Variants in AFF3 observed in about 807,000 individuals in gnomAD.
AFF3 encodes the protein AF4/FMR2 family member 3.
A neutral mutation model predicts 129.7 loss-of-function variants in AFF3; 32 were observed. The observed-to-expected ratio is 0.25, with a 90% confidence interval of 0.19 to 0.33. AFF3 has a LOEUF of 0.33. Ranked by LOEUF, AFF3 falls within the 10% of genes least tolerant of loss-of-function variation. AFF3 has a pLI of 1.00. For synonymous variants in AFF3, 644 were observed against 635.4 expected (o/e 1.01, Z -0.20); for missense variants, 1,373 against 1,592.0 (o/e 0.86, Z 2.34).
At chr2:100,081,047 G>C (rs915038448) in intron 4 of AFF3, among the ~76,000 whole-genome samples, 5 of 151,912 alleles carry the variant, frequency 3.3e-5, no homozygotes, top group African/African-American at 1.2e-4. Context: ...TTTTCTGCTG[G>C]GGGCTGGAGC....
intron 13 of AFF3, among the ~76,000 whole-genome samples, chr2:99,606,915 CAAAAAAAAAAA>C (rs10680840): frequency 3.2e-5 from 2 of 62,188 alleles, no homozygotes; most frequent in African/African-American, 1.3e-4. Flanking sequence ...CTCCGTCTCA[CAAAAAAAAAAA>C]AAAAAAAAAA....
chr2:99,683,966 A>C (rs970833865), intron 11 of AFF3, among the ~76,000 whole-genome samples: 4 of 152,100 alleles, frequency 2.6e-5, no homozygotes, highest in African/African-American at 9.7e-5. Context: ...TTTATTCTTC[A>C]GTCTGTAGTT....
chr2:99,752,226 T>C lies in AFF3; in HGVS notation c.997A>G (p.Asn333Asp), dbSNP rs1480476933. 1 of 1,612,148 alleles carries C rather than the reference T, an allele frequency of 6.2e-7. No homozygotes were observed. Among genetic ancestry groups the C allele is most frequent in the Non-Finnish European group, 8.5e-7 (1 of 1,178,182 alleles). Reference sequence around the variant, plus strand: ...TGAGGGATGCAAGATCTCACCTTATTTGGAAATGGAAATTTGGTTGGTTCC... The same window carrying C: ...TGAGGGATGCAAGATCTCACCTTATCTGGAAATGGAAATTTGGTTGGTTCC... ...KVEPTKFPFP[N>D]KDSQLVSSGH... The change falls in exon 9 of 25, where the codon AAT (asparagine) becomes GAT (aspartate). Residue 333 changes from asparagine to aspartate, a missense_variant. Asn to Asp is a conservative substitution (Grantham distance 23). This residue lies in a region of AFF3 where 413 missense variants were observed against 424.4 expected (regional missense o/e 0.97). Coordinates refer to ENST00000672756, the MANE Select transcript of AFF3 (RefSeq NM_001386135.1).
intron 22 of AFF3, among the ~76,000 whole-genome samples, chr2:99,555,864 T>C (rs1674868442): frequency 6.6e-6 from 1 of 152,188 alleles, no homozygotes; most frequent in Admixed American, 6.5e-5. Context: ...GATGTAAATG[T>C]AAGGACAACA....
chr2:99,621,069 T>G (rs1681955499), intron 13 of AFF3, among the ~76,000 whole-genome samples: 1 of 152,208 alleles, frequency 6.6e-6, no homozygotes, highest in South Asian at 2.1e-4. Context: ...AACACACCGT[T>G]TTTTAAATTA....
intron 12 of AFF3, among the ~76,000 whole-genome samples, chr2:99,653,286 G>A (rs1685443585): frequency 6.6e-6 from 1 of 152,234 alleles, no homozygotes; most frequent in South Asian, 2.1e-4. Flanking sequence ...GGAGCCATGA[G>A]AGACTGGCTC....
At chr2:99,892,651 C>T in intron 7 of AFF3, among the ~76,000 whole-genome samples, 1 of 152,202 alleles carries the variant, frequency 6.6e-6, no homozygotes, top group East Asian at 1.9e-4. Flanking sequence ...CTTCTACTCG[C>T]ATTCCCTCCC....
At chr2:99,958,122 G>C (rs1484589573) in intron 7 of AFF3, among the ~76,000 whole-genome samples, 3 of 152,102 alleles carry the variant, frequency 2.0e-5, no homozygotes, top group African/African-American at 7.2e-5. Context: ...AGACAGACAG[G>C]CTTCAGAAAT....
chr2:99,640,620 T>TG (rs1684106712), intron 13 of AFF3, among the ~76,000 whole-genome samples: 1 of 151,756 alleles, frequency 6.6e-6, no homozygotes, highest in South Asian at 2.1e-4. Flanking sequence ...GAGGGTTTTT[T>TG]TTTTTCTTTT....
intron 7 of AFF3, among the ~76,000 whole-genome samples, chr2:99,941,605 G>A (rs1675047818): frequency 6.6e-6 from 1 of 152,182 alleles, no homozygotes. Context: ...GACTACACAT[G>A]GGACTAAATT....
intron 8 of AFF3, among the ~76,000 whole-genome samples, chr2:99,800,615 T>A (rs1685869342): frequency 6.6e-6 from 1 of 152,192 alleles, no homozygotes; most frequent in Non-Finnish European, 1.5e-5. Context: ...GTTATAAACA[T>A]GTGCACAAAT....
intron 7 of AFF3, among the ~76,000 whole-genome samples, chr2:99,930,970 A>G (rs1186759123): frequency 3.9e-5 from 6 of 152,194 alleles, no homozygotes; most frequent in Non-Finnish European, 8.8e-5. Flanking sequence ...AAGCACTTAC[A>G]TACTGAAGTT....
chr2:100,038,730 T>C (rs367689494), intron 4 of AFF3, among the ~76,000 whole-genome samples: 7 of 142,256 alleles, frequency 4.9e-5, no homozygotes, highest in South Asian at 2.1e-4. Context: ...TCTTCTTCTT[T>C]TTTTTTTTTT....
At chr2:99,999,873 G>A (rs17023402) in intron 7 of AFF3, among the ~76,000 whole-genome samples, 2,721 of 152,156 alleles carry the variant, frequency 0.018, 84 homozygotes, top group African/African-American at 0.063. Context: ...CTCTAGAACC[G>A]GGCCAATTAC....
At chr2:99,727,691 A>G (rs1679474529) in intron 10 of AFF3, among the ~76,000 whole-genome samples, 1 of 151,760 alleles carries the variant, frequency 6.6e-6, no homozygotes, top group Non-Finnish European at 1.5e-5. Context: ...CCTCCCGAGT[A>G]GCTGGGACTA....
At chr2:99,947,863 C>T (rs1247139822) in intron 7 of AFF3, among the ~76,000 whole-genome samples, 2 of 152,074 alleles carry the variant, frequency 1.3e-5, no homozygotes, top group East Asian at 3.9e-4. Flanking sequence ...CCATGGGCAA[C>T]ACTGAGACAT....
At chr2:99,591,742 T>G (rs1678701537) in intron 15 of AFF3, among the ~76,000 whole-genome samples, 1 of 152,204 alleles carries the variant, frequency 6.6e-6, no homozygotes, top group African/African-American at 2.4e-5. Flanking sequence ...CTGGAAAATA[T>G]ACAGACCTCA....
At chr2:99,872,120 G>C (rs1691908125) in intron 7 of AFF3, among the ~76,000 whole-genome samples, 2 of 148,450 alleles carry the variant, frequency 1.3e-5, no homozygotes, top group South Asian at 4.3e-4. Context: ...GCAGGAGAAT[G>C]GCATGAACCC....
intron 4 of AFF3, among the ~76,000 whole-genome samples, chr2:100,083,923 C>T (rs1264716841): frequency 2.6e-5 from 4 of 152,064 alleles, no homozygotes; most frequent in Admixed American, 6.6e-5. Context: ...TGGAATCAGA[C>T]GGTATGGGTT....
Sources: allele counts gnomAD v4.1 joint callset (sites outside exome capture counted in the v4.1 genomes callset), GRCh38; gene constraint gnomAD v4.1.1; regional missense constraint gnomAD v4.1.1; transcripts MANE v1.5; gene names NCBI Gene and HGNC (gene_info 2026-07-23, HGNC 2026-07-21).